The following TACR1 variants were observed in gnomAD, a reference collection of about 807,000 sequenced individuals.
TACR1 encodes the protein substance-P receptor.
In TACR1, 25 loss-of-function variants were observed where a neutral mutation model predicts 35.8. The observed-to-expected ratio is 0.70, with a 90% confidence interval of 0.51 to 0.98. TACR1 has a LOEUF of 0.98. Ranked by LOEUF, TACR1 falls within the 50% of genes least tolerant of loss-of-function variation. The pLI, the probability that TACR1 is intolerant of heterozygous loss-of-function variation, is 0.00. For missense variants in TACR1, 478 were observed against 522.9 expected (o/e 0.91, Z 0.84); for synonymous variants, 195 against 206.7 (o/e 0.94, Z 0.48).
At chr2:75,115,734 G>A (rs992725542) in intron 2 of TACR1, among the ~76,000 whole-genome samples, 12 of 151,784 alleles carry the variant, frequency 7.9e-5, no homozygotes, top group African/African-American at 2.9e-4. Flanking sequence ...GTGAAACCCC[G>A]TCTCTGCTAA....
chr2:75,074,719 A>G (rs1672946523), intron 2 of TACR1, among the ~76,000 whole-genome samples: 1 of 151,798 alleles, frequency 6.6e-6, no homozygotes, highest in South Asian at 2.1e-4. Context: ...GTGGCTTCAG[A>G]TCATAGTCTA....
At chr2:75,185,656 G>T (rs1675675461) in intron 1 of TACR1, among the ~76,000 whole-genome samples, 2 of 152,154 alleles carry the variant, frequency 1.3e-5, no homozygotes, top group African/African-American at 4.8e-5. Flanking sequence ...AATTGGAAAA[G>T]ATTTTTGTAA....
chr2:75,170,480 A>T (rs1226919513), intron 1 of TACR1, among the ~76,000 whole-genome samples: 3 of 152,154 alleles, frequency 2.0e-5, no homozygotes, highest in Non-Finnish European at 4.4e-5. Flanking sequence ...GTACTGGTAG[A>T]GTGGGGTGCT....
At chr2:75,155,976 A>G (rs1558573417) in intron 1 of TACR1, among the ~76,000 whole-genome samples, 1 of 152,266 alleles carries the variant, frequency 6.6e-6, no homozygotes, top group Non-Finnish European at 1.5e-5. Flanking sequence ...AATGATTGAA[A>G]AAAATAAAAA....
At chr2:75,125,065 C>T (rs1056202781) in intron 1 of TACR1, among the ~76,000 whole-genome samples, 1 of 152,254 alleles carries the variant, frequency 6.6e-6, no homozygotes, top group Non-Finnish European at 1.5e-5. Flanking sequence ...TTGGCCCAGT[C>T]ATCATGTCCT....
At chr2:75,142,524 T>A (rs1257996378) in intron 1 of TACR1, among the ~76,000 whole-genome samples, 1 of 152,222 alleles carries the variant, frequency 6.6e-6, no homozygotes, top group Non-Finnish European at 1.5e-5. Context: ...CCTAATCCAC[T>A]GGAGGGAAGA....
At chr2:75,157,536 A>G (rs1426649189) in intron 1 of TACR1, among the ~76,000 whole-genome samples, 1 of 152,218 alleles carries the variant, frequency 6.6e-6, no homozygotes, top group East Asian at 1.9e-4. Context: ...AATGTGTCAA[A>G]GAAGGGGCAG....
intron 2 of TACR1, among the ~76,000 whole-genome samples, chr2:75,074,392 C>G (rs781468244): frequency 1.3e-5 from 2 of 152,130 alleles, no homozygotes; most frequent in Non-Finnish European, 2.9e-5. Context: ...CTATCTGGAG[C>G]CCCTGGGTCT....
intron 2 of TACR1, among the ~76,000 whole-genome samples, chr2:75,118,085 A>G (rs914403648): frequency 6.6e-6 from 1 of 152,210 alleles, no homozygotes; most frequent in African/African-American, 2.4e-5. Flanking sequence ...TACTGCCTCA[A>G]AACAAGTTTC....
At position 75,120,694 on chromosome 2, in the gene TACR1, C is replaced by G; in HGVS notation, c.464G>C (p.Trp155Ser). 1 of 1,614,022 alleles carries G rather than the reference C, an allele frequency of 6.2e-7. No individual in the cohort carries two copies. Among genetic ancestry groups the G allele is most frequent in the Non-Finnish European group, 8.5e-7 (1 of 1,179,990 alleles). The change falls in exon 2 of 5, where the codon TGG becomes TCG. Residue 155 changes from tryptophan (W) to serine (S), a missense_variant. Trp to Ser is a radical substitution (Grantham distance 177). Transcript: ENST00000305249. ...GAAGGCCAGCAGGAGAGCCAGGACC[C>G]AGATGACACAGATGACCACTTTGGT... is the stretch of plus-strand genomic sequence containing the variant. Reference protein sequence around the residue: ...TATKVVICVIWVLALLLAFPQ... With the variant: ...TATKVVICVISVLALLLAFPQ...
chr2:75,146,961 C>T (rs534170703), intron 1 of TACR1, among the ~76,000 whole-genome samples: 1 of 152,314 alleles, frequency 6.6e-6, no homozygotes, highest in East Asian at 1.9e-4. Flanking sequence ...GGTTCTGTAA[C>T]CCTTTTAACA....
intron 1 of TACR1, among the ~76,000 whole-genome samples, chr2:75,154,072 G>C (rs550194254): frequency 6.1e-4 from 93 of 152,194 alleles, no homozygotes; most frequent in African/African-American, 2.2e-3. Context: ...GGGGTGTGGG[G>C]CTTGCTGTGC....
In TACR1 at chr2:75,103,383, C is replaced by G. The variant is rs528765798; in HGVS notation, c.584+17191G>C. On this transcript the variant is annotated intron_variant, in intron 2 of 4. Transcript: ENST00000305249. ...AAAACAAAACAAAACCCTCGAATCC[C>G]TGTAAGTATGGAATATGTCATAATG... Among the ~76,000 whole-genome samples the G allele has an allele frequency of 3.3e-5, 5 of 152,196 alleles. 1 individual carries two copies. The South Asian group carries it at 1.0e-3, about 32-fold the overall frequency.
chr2:75,131,030 C>T (rs1037093376), intron 1 of TACR1, among the ~76,000 whole-genome samples: 5 of 152,040 alleles, frequency 3.3e-5, no homozygotes, highest in African/African-American at 1.2e-4. Flanking sequence ...TTCTAATTTT[C>T]TATCAGTGTC....
At chr2:75,051,122 G>A (rs1283460955) in intron 4 of TACR1, 129 bp downstream of exon 4, 15 of 1,176,614 alleles carry the variant, frequency 1.3e-5, no homozygotes, top group Non-Finnish European at 1.9e-5. Context: ...GTGATGATAA[G>A]TTAGCTGCAG....
intron 1 of TACR1, among the ~76,000 whole-genome samples, chr2:75,129,454 A>G (rs1196479179): frequency 6.6e-6 from 1 of 152,188 alleles, no homozygotes. Context: ...TAGCTATTTG[A>G]AAATACAAAA....
chr2:75,053,734 C>A lies in TACR1; in HGVS notation c.606G>T (p.Val202=). Residue 202 remains valine (V), a synonymous_variant, in exon 3 of 5, where the codon GTG becomes GTT. Coordinates refer to ENST00000305249, the MANE Select transcript of TACR1 (RefSeq NM_001058.4). The part of the protein sequence containing the change: ...YEKVYHICVT[V]LIYFLPLLVI... ...CCAGCAGGGGGAGGAAGTAGATCAG[C>A]ACAGTCACACAGATGTGGTACCTAC... 6.2e-7 allele frequency: 1 copy of A among 1,614,166 alleles called. No homozygotes were observed. Among genetic ancestry groups the A allele is most frequent in the South Asian group, 1.1e-5 (1 of 91,084 alleles).
intron 1 of TACR1, among the ~76,000 whole-genome samples, chr2:75,137,728 C>CAAAAA (rs11326632): frequency 4.2e-4 from 20 of 47,512 alleles, no homozygotes; most frequent in Non-Finnish European, 5.2e-4. Context: ...GTCTCCGTCT[C>CAAAAA]AAAAAAAAAA....
intron 1 of TACR1, among the ~76,000 whole-genome samples, chr2:75,151,286 G>T (rs1424126776): frequency 1.3e-5 from 2 of 152,310 alleles, no homozygotes; most frequent in African/African-American, 2.4e-5. Flanking sequence ...GACCTTCATG[G>T]CAGCCCCTCC....
Sources: gnomAD v4.1 joint callset for allele counts (sites outside exome capture counted in the v4.1 genomes callset) on GRCh38, gnomAD v4.1.1 for gene constraint, MANE v1.5 for transcripts, NCBI Gene and HGNC (gene_info 2026-07-23, HGNC 2026-07-21) for gene names.